Variants in SNX10 observed in about 807,000 individuals in gnomAD.
SNX10 encodes the protein sorting nexin 10.
In SNX10, 25 loss-of-function variants were observed where a neutral mutation model predicts 28.5. The observed-to-expected ratio is 0.88, with a 90% CI of 0.64 to 1.22. The LOEUF is 1.22. SNX10 is among the 50% of genes most tolerant of loss of function. SNX10 has a pLI of 0.00. For synonymous variants in SNX10, 62 were observed against 81.4 expected (o/e 0.76, Z 1.28); for missense variants, 223 against 242.6 (o/e 0.92, Z 0.54).
intron 1 of SNX10, among the ~76,000 whole-genome samples, chr7:26,311,285 G>A (rs1786830240): frequency 6.6e-6 from 1 of 152,336 alleles, no homozygotes; most frequent in East Asian, 1.9e-4. Flanking sequence ...AAGTAGCTGG[G>A]ACTACAGGCT....
At chr7:26,368,149 C>T (rs1789370187) in intron 5 of SNX10, among the ~76,000 whole-genome samples, 1 of 152,248 alleles carries the variant, frequency 6.6e-6, no homozygotes, top group African/African-American at 2.4e-5. Flanking sequence ...TGGCATTTTA[C>T]ATGTTTTAGT....
intron 1 of SNX10, among the ~76,000 whole-genome samples, chr7:26,307,239 T>G (rs1305697212): frequency 6.6e-6 from 1 of 152,196 alleles, no homozygotes; most frequent in Non-Finnish European, 1.5e-5. Flanking sequence ...CAAGCTGCTC[T>G]CCAGACGCCT....
chr7:26,371,692 A>G (rs893443981), intron 5 of SNX10, 129 bp from the exon 6 acceptor site: 47 of 678,046 alleles, frequency 6.9e-5, no homozygotes, highest in Non-Finnish European at 1.2e-4. Flanking sequence ...GGCAGAGCCC[A>G]TAATTGATAC....
intron 1 of SNX10, 76 bp from the exon 2 acceptor site, chr7:26,346,344 G>A (rs901111886): frequency 1.9e-5 from 17 of 890,040 alleles, no homozygotes; most frequent in Non-Finnish European, 3.1e-5. Context: ...GGGGATTTGG[G>A]TGGGAGGCCA....
chr7:26,352,132 A>G (rs1038504662), intron 2 of SNX10, among the ~76,000 whole-genome samples: 1 of 152,186 alleles, frequency 6.6e-6, no homozygotes, highest in African/African-American at 2.4e-5. Context: ...AACTGTTTAA[A>G]ATAAAAAGTT....
At chr7:26,367,144 T>C (rs888855776) in intron 5 of SNX10, among the ~76,000 whole-genome samples, 3 of 152,168 alleles carry the variant, frequency 2.0e-5, no homozygotes, top group African/African-American at 4.8e-5. Context: ...ACTGGGTGGT[T>C]GTGTCCTACA....
intron 1 of SNX10, among the ~76,000 whole-genome samples, chr7:26,321,570 C>T (rs905449910): frequency 3.9e-5 from 6 of 152,194 alleles, no homozygotes; most frequent in South Asian, 2.1e-4. Context: ...GCCTTGGCCA[C>T]GTGTTCCTTT....
At chr7:26,293,025 T>A (rs1034371136) in intron 1 of SNX10, 3 of 152,262 alleles carry the variant, frequency 2.0e-5, no homozygotes, top group African/African-American at 7.2e-5. Context: ...GGCTGAGGCC[T>A]TCGCCAGGAA....
chr7:26,363,857 A>G (rs1425628227), intron 3 of SNX10, among the ~76,000 whole-genome samples: 2 of 152,228 alleles, frequency 1.3e-5, no homozygotes, highest in South Asian at 2.1e-4. Flanking sequence ...ATACTAGTTC[A>G]TCCCATTTTA....
At chr7:26,340,506 T>C (rs531460901) in intron 1 of SNX10, among the ~76,000 whole-genome samples, 2 of 152,362 alleles carry the variant, frequency 1.3e-5, no homozygotes, top group African/African-American at 4.8e-5. Flanking sequence ...TTGCATTTTA[T>C]AGAAAAAGTA....
chr7:26,333,395 G>A (rs7788823), intron 1 of SNX10, among the ~76,000 whole-genome samples: 25,758 of 140,806 alleles, frequency 0.18, 2,599 homozygotes, highest in South Asian at 0.42. Context: ...CGTGATCTCC[G>A]CTCACTGCAA....
At chr7:26,311,163 A>C (rs78739033) in intron 1 of SNX10, among the ~76,000 whole-genome samples, 3,185 of 150,230 alleles carry the variant, frequency 0.021, 122 homozygotes, top group African/African-American at 0.073. Flanking sequence ...TTTTCTTTTT[A>C]TTTTTGAGAC....
chr7:26,372,105 A>G (rs1183479141), intron 6 of SNX10, 72 bp downstream of exon 6: 1 of 961,282 alleles, frequency 1.0e-6, no homozygotes, highest in African/African-American at 1.6e-5. Flanking sequence ...GCACGTGTAT[A>G]GATATATATA....
intron 1 of SNX10, among the ~76,000 whole-genome samples, chr7:26,313,712 T>C (rs1426934920): frequency 6.6e-6 from 1 of 151,712 alleles, no homozygotes; most frequent in Admixed American, 6.6e-5. Flanking sequence ...ATTGTTCCCT[T>C]GTGGCATAAT....
chr7:26,357,157 G>C (rs79080021), intron 2 of SNX10: 2 of 451,830 alleles, frequency 4.4e-6, no homozygotes, highest in Non-Finnish European at 3.6e-6. Context: ...GTAGGATGTG[G>C]TGAGTAGGGA....
Position 26,372,627 on chromosome 7 carries a change from G to A in SNX10, c.*55G>A. On this transcript the variant is annotated 3_prime_UTR_variant, in exon 7 of 7. Coordinates refer to ENST00000338523, the MANE Select transcript of SNX10 (RefSeq NM_013322.3). Reference sequence around the variant, plus strand: ...ATAGCAAATTATGTCCAGTCATAGAGAAGAAAGCTTCATAATAATACATTC... The same window carrying A: ...ATAGCAAATTATGTCCAGTCATAGAAAAGAAAGCTTCATAATAATACATTC... 1 of 1,011,160 alleles carries A rather than the reference G, an allele frequency of 9.9e-7. No individual in the cohort carries two copies. The highest frequency in any genetic ancestry group is 1.3e-5 in the South Asian group (1 of 78,634). The allele number at this position is 1,011,160 out of a possible 1,614,324, so 62.6% of individuals were successfully genotyped here.
chr7:26,325,328 T>TATATATATATATATATATATATATATATA (rs56716262), intron 1 of SNX10, among the ~76,000 whole-genome samples: 273 of 122,904 alleles, frequency 2.2e-3, no homozygotes, highest in Non-Finnish European at 3.5e-3. Flanking sequence ...TATATATATA[T>TATATATATATATATATATATATATATATA]TTGAGATGGA....
At chr7:26,300,037 C>T (rs1786278972) in intron 1 of SNX10, among the ~76,000 whole-genome samples, 1 of 152,020 alleles carries the variant, frequency 6.6e-6, no homozygotes, top group South Asian at 2.1e-4. Context: ...ATGGTGAAAC[C>T]CTATCTCTAC....
At chr7:26,336,982 G>C (rs2128007295) in intron 1 of SNX10, among the ~76,000 whole-genome samples, 1 of 152,220 alleles carries the variant, frequency 6.6e-6, no homozygotes, top group East Asian at 1.9e-4. Context: ...TCGAGTTAAA[G>C]AATATAAACA....
Sources: gnomAD v4.1 joint callset for allele counts (sites outside exome capture counted in the v4.1 genomes callset) on GRCh38, gnomAD v4.1.1 for gene constraint, MANE v1.5 for transcripts, NCBI Gene and HGNC (gene_info 2026-07-23, HGNC 2026-07-21) for gene names.